SEMA3A: variants seen among roughly 807,000 people sequenced by gnomAD.
SEMA3A encodes the protein semaphorin-3A.
A neutral mutation model predicts 97.9 loss-of-function variants in SEMA3A; 29 were observed. The ratio of observed to expected loss-of-function variants is 0.30; its 90% CI spans 0.22 to 0.40. The LOEUF is 0.40. Among genes scored for constraint, SEMA3A ranks in the 10% least tolerant of loss-of-function variants. The pLI, the probability that SEMA3A is intolerant of heterozygous loss-of-function variation, is 1.00. For synonymous variants in SEMA3A, 321 were observed against 323.7 expected (o/e 0.99, Z 0.09); for missense variants, 763 against 951.3 (o/e 0.80, Z 2.60).
chr7:84,202,848 C>A (rs746648318), intron 3 of SEMA3A, among the ~76,000 whole-genome samples: 2 of 152,062 alleles, frequency 1.3e-5, no homozygotes, highest in Non-Finnish European at 2.9e-5. Flanking sequence ...CTCTTTTTTC[C>A]CTGCCCCAAG....
At chr7:84,351,130 G>C (rs917999516) in intron 2 of SEMA3A, among the ~76,000 whole-genome samples, 7 of 151,820 alleles carry the variant, frequency 4.6e-5, no homozygotes, top group Admixed American at 1.3e-4. Flanking sequence ...ATATTTTTGA[G>C]ATACGCATCA....
intron 3 of SEMA3A, among the ~76,000 whole-genome samples, chr7:84,280,815 A>T (rs1401770114): frequency 1.3e-5 from 2 of 152,130 alleles, no homozygotes; most frequent in African/African-American, 4.8e-5. Flanking sequence ...CTGTATAGAA[A>T]TAATAATATA....
At chr7:84,032,166 C>T (rs974800825) in intron 6 of SEMA3A, among the ~76,000 whole-genome samples, 2 of 152,098 alleles carry the variant, frequency 1.3e-5, no homozygotes, top group Non-Finnish European at 2.9e-5. Context: ...ATTGGCAGTG[C>T]GGCTTGTCCT....
rs1431276345 is a variant in SEMA3A, at chr7:83,957,249, GATAAGTC to G, written c.*4115_*4121del. 1 of 149,720 alleles carries G rather than the reference GATAAGTC, an allele frequency of 6.7e-6. No homozygotes were observed. Among genetic ancestry groups the G allele is most frequent in the Non-Finnish European group, 1.5e-5 (1 of 67,762 alleles). The allele number at this position is 149,720 out of a possible 1,614,324, so 9.3% of individuals were successfully genotyped here. Reference sequence around the variant, plus strand: ...GGAAAGACTTGCTGGATTAGATGATGATAAGTCATCTCGCTCTGTTTCCTTAATTTCA... The same window carrying G: ...GGAAAGACTTGCTGGATTAGATGATGATCTCGCTCTGTTTCCTTAATTTCA... On this transcript the variant is annotated 3_prime_UTR_variant, in exon 17 of 17. Transcript: ENST00000265362.
intron 3 of SEMA3A, among the ~76,000 whole-genome samples, chr7:84,252,691 T>C (rs1799635559): frequency 6.6e-6 from 1 of 152,172 alleles, no homozygotes; most frequent in African/African-American, 2.4e-5. Flanking sequence ...TAGTGAAGAA[T>C]AAAAATATAT....
intron 2 of SEMA3A, among the ~76,000 whole-genome samples, chr7:84,340,503 G>T (rs1443019328): frequency 6.6e-6 from 1 of 152,064 alleles, no homozygotes; most frequent in Non-Finnish European, 1.5e-5. Context: ...AAAAGCCTTG[G>T]CACAGTGGCT....
rs1801234561 is a variant in SEMA3A at position 84,308,829 on chromosome 7, T to TTTC, written c.-168-1538_-168-1537insGAA. 5.9e-5 allele frequency among the ~76,000 whole-genome samples: 9 copies of TTTC among 151,462 alleles called. No homozygotes were observed. In the South Asian group the frequency reaches 1.9e-3, roughly 32 times the overall value. On this transcript the variant is annotated intron_variant, in intron 2 of 3. Transcript: ENST00000424555. ...AGAAATATCACTTTTTTTTTCTTTT[T>TTTC]TTTTTGAGATGGAGTTTCACCCTTG...
intron 1 of SEMA3A, among the ~76,000 whole-genome samples, chr7:84,420,357 AT>A (rs1157123723): frequency 6.6e-6 from 1 of 152,086 alleles, no homozygotes; most frequent in African/African-American, 2.4e-5. Flanking sequence ...GACACAAAAA[AT>A]ATTTTAAAAA....
At chr7:84,310,042 T>C (rs1562896928) in intron 2 of SEMA3A, among the ~76,000 whole-genome samples, 1 of 152,170 alleles carries the variant, frequency 6.6e-6, no homozygotes, top group African/African-American at 2.4e-5. Flanking sequence ...CAAAATATTG[T>C]AGAAAACATA....
At position 84,378,062 on chromosome 7, in the gene SEMA3A, T is replaced by C. The variant is rs140060413; in HGVS notation, c.-245-6162A>G. On this transcript the variant is annotated intron_variant, in intron 1 of 3. Transcript: ENST00000424555. Reference sequence around the variant, plus strand: ...TTGGCCAGAAGAGGGTTCCTCTCTTTAAAAACTTTCCAGTAATGGTAATTT... The same window carrying C: ...TTGGCCAGAAGAGGGTTCCTCTCTTCAAAAACTTTCCAGTAATGGTAATTT... Among the ~76,000 whole-genome samples, 446 of 152,142 alleles carry C rather than the reference T, an allele frequency of 2.9e-3. 1 individual carries two copies. Among genetic ancestry groups the C allele is most frequent in the African/African-American group, 0.01 (428 of 41,512 alleles).
intron 1 of SEMA3A, among the ~76,000 whole-genome samples, chr7:84,161,615 CT>C (rs1468802065): frequency 2.6e-5 from 4 of 152,124 alleles, no homozygotes; most frequent in Non-Finnish European, 5.9e-5. Flanking sequence ...TACAGTGTGT[CT>C]TTCCCTGCTT....
chr7:84,011,072 G>T lies in SEMA3A; in HGVS notation c.945C>A (p.Asn315Lys), dbSNP rs777910724. ...CAACTGGATTTTTAGGATCTTTAAA[G>T]TTCATTAGGAATACATCCTCTGTTT... ...FDELQDVFLM[N>K]FKDPKNPVVY... Residue 315 changes from asparagine (N) to lysine (K), a missense_variant, in exon 9 of 17, where the codon AAC (asparagine) becomes AAA (lysine). Physicochemically the swap from Asn to Lys is moderately conservative, Grantham distance 94 (BLOSUM62 0). Transcript: ENST00000265362. 4 of 1,612,404 alleles carry T rather than the reference G, an allele frequency of 2.5e-6. No homozygotes were observed. Among genetic ancestry groups the T allele is most frequent in the South Asian group, 2.2e-5 (2 of 91,018 alleles).
intron 2 of SEMA3A, among the ~76,000 whole-genome samples, chr7:84,313,583 C>G (rs1440461055): frequency 6.6e-6 from 1 of 150,910 alleles, no homozygotes; most frequent in Non-Finnish European, 1.5e-5. Context: ...TCTCTTTAAT[C>G]ACACTATACA....
At chr7:84,280,720 G>A (rs780879061) in intron 3 of SEMA3A, among the ~76,000 whole-genome samples, 38 of 152,074 alleles carry the variant, frequency 2.5e-4, no homozygotes, top group Non-Finnish European at 2.1e-4. Flanking sequence ...GGCGGAGGTT[G>A]TAGTGACTTG....
intron 1 of SEMA3A, among the ~76,000 whole-genome samples, chr7:84,411,490 T>G (rs960196618): frequency 6.6e-6 from 1 of 151,856 alleles, no homozygotes; most frequent in Non-Finnish European, 1.5e-5. Flanking sequence ...CAGTCTTTTG[T>G]ATTAAACCTA....
At chr7:84,010,721 A>G (rs1402661627) in intron 9 of SEMA3A, among the ~76,000 whole-genome samples, 1 of 104,104 alleles carries the variant, frequency 9.6e-6, no homozygotes, top group Non-Finnish European at 1.8e-5. Flanking sequence ...CATCTGTATA[A>G]TATTTTACAT....
chr7:84,037,619 T>G (rs1791987303), intron 6 of SEMA3A, among the ~76,000 whole-genome samples: 1 of 152,164 alleles, frequency 6.6e-6, no homozygotes, highest in Admixed American at 6.6e-5. Flanking sequence ...AATCTAACAA[T>G]AATTAAAATT....
At position 84,460,405 on chromosome 7, in the gene SEMA3A, G is replaced by GA. The variant is rs201817765; in HGVS notation, c.-246+32054dup. Among the ~76,000 whole-genome samples the GA allele has an allele frequency of 1.7e-3, 243 of 142,064 alleles. 1 individual carries two copies. The highest frequency in any genetic ancestry group is 5.7e-3 in the East Asian group (28 of 4,908). 93.2% of individuals were successfully genotyped at this position (142,064 alleles called of 152,430 possible). ...GCTATAATTTGCAAATCAATTCTCA[G>GA]AAAAAAAAAACAGTGAGAAGGAAGA... On this transcript the variant is annotated intron_variant, in intron 1 of 3. Transcript: ENST00000424555.
chr7:83,996,535 T>G (rs1443505723), intron 12 of SEMA3A, among the ~76,000 whole-genome samples: 1 of 152,124 alleles, frequency 6.6e-6, no homozygotes, highest in African/African-American at 2.4e-5. Flanking sequence ...ACTCCTGACT[T>G]CGTGATCCAC....
Sources: allele counts gnomAD v4.1 joint callset (sites outside exome capture counted in the v4.1 genomes callset), GRCh38; gene constraint gnomAD v4.1.1; transcripts MANE v1.5; gene names NCBI Gene and HGNC (gene_info 2026-07-23, HGNC 2026-07-21).